The following CA4 variants were observed in gnomAD, a reference collection of about 807,000 sequenced individuals.
CA4 encodes CA-IV.
CA4 carries 24 observed loss-of-function variants against 34.5 expected under a neutral mutation model. That is an observed-to-expected ratio of 0.70 (90% CI 0.50 to 0.98). CA4 has a LOEUF of 0.98. Ranked by LOEUF, CA4 falls within the 50% of genes least tolerant of loss-of-function variation. CA4 has a pLI of 0.00. For synonymous variants in CA4, 178 were observed against 170.6 expected, an observed-to-expected ratio of 1.04 and a Z score of -0.34; for missense variants, 394 against 396.7, an observed-to-expected ratio of 0.99 and a Z score of 0.06.
In CA4 at chr17:60,156,637, G is replaced by T; in HGVS notation, c.190G>T (p.Asp64Tyr). ...CATCGTCACCACCAAGGCAAAGGTG[G>T]ACAAAAAACTGGGACGCTTCTTCTT... ...INIVTTKAKV[D>Y]KKLGRFFFSG... Residue 64 changes from aspartate to tyrosine, a missense_variant, in exon 3 of 8, where the codon GAC (aspartate) becomes TAC (tyrosine). Physicochemically the swap from Asp to Tyr is radical, Grantham distance 160. Coordinates refer to ENST00000300900, the MANE Select transcript of CA4 (RefSeq NM_000717.5). 6.2e-7 allele frequency: 1 copy of T among 1,614,146 alleles called. No homozygotes were observed. The highest frequency in any genetic ancestry group is 8.5e-7 in the Non-Finnish European group (1 of 1,179,980).
At position 60,157,418 on chromosome 17, in the gene CA4, T is replaced by A. The variant is rs1304471899; in HGVS notation, c.269-9T>A. 1 of 1,614,156 alleles carries A rather than the reference T, an allele frequency of 6.2e-7. No individual in the cohort carries two copies. The highest frequency in any genetic ancestry group is 1.7e-5 in the Admixed American group (1 of 60,022). Reference sequence around the variant, plus strand: ...TGGTTCGAGGACTCTGCCCCTTCTGTGCTCCCAGTGATGATGTTGCTGGAG... The same window carrying A: ...TGGTTCGAGGACTCTGCCCCTTCTGAGCTCCCAGTGATGATGTTGCTGGAG... On this transcript the variant is annotated splice_polypyrimidine_tract_variant and intron_variant, in intron 3 of 7. Coordinates refer to ENST00000300900, the MANE Select transcript of CA4 (RefSeq NM_000717.5).
chr17:60,178,355 C>A, the CA4 span, among the ~76,000 whole-genome samples: 2 of 152,222 alleles, frequency 1.3e-5, no homozygotes, highest in African/African-American at 4.8e-5. Flanking sequence ...ACTTACCTTC[C>A]CAGAAGCTCT....
At chr17:60,178,004 T>C in the CA4 span, among the ~76,000 whole-genome samples, 1 of 152,190 alleles carries the variant, frequency 6.6e-6, no homozygotes, top group Non-Finnish European at 1.5e-5. Context: ...ATTTATACTT[T>C]TGTTCCAGTC....
chr17:60,156,937 C>A lies in CA4; in HGVS notation c.268+222C>A. 4.9e-6 allele frequency: 3 copies of A among 611,580 alleles called. No individual in the cohort carries two copies. In the South Asian group the frequency reaches 5.6e-5, roughly 12 times the overall value. 37.9% of individuals were successfully genotyped at this position (611,580 alleles called of 1,614,324 possible). On this transcript the variant is annotated intron_variant, in intron 3 of 7. Coordinates refer to ENST00000300900, the MANE Select transcript of CA4 (RefSeq NM_000717.5). ...CTGGGATGTGGGGGCAGGAAACGTT[C>A]CAGGAAGAAGGACATGTGCAAAGGC...
intron 1 of CA4, among the ~76,000 whole-genome samples, chr17:60,151,972 A>G (rs1373375583): frequency 6.6e-6 from 1 of 151,784 alleles, no homozygotes; most frequent in African/African-American, 2.4e-5. Flanking sequence ...GCTGTTTTTC[A>G]GGATTATCCC....
At chr17:60,166,214 C>T (rs1246466514) in intron 5 of CA4, among the ~76,000 whole-genome samples, 2 of 152,188 alleles carry the variant, frequency 1.3e-5, no homozygotes, top group South Asian at 2.1e-4. Context: ...TAGATTTCCT[C>T]CTCGCTGACT....
downstream of CA4, among the ~76,000 whole-genome samples, chr17:60,161,791 CCTGT>C (rs1052258781): frequency 5.9e-5 from 9 of 152,150 alleles, no homozygotes; most frequent in African/African-American, 2.2e-4. Context: ...CCGCAGGCCG[CCTGT>C]CAGCGGGGGG....
intron 5 of CA4, among the ~76,000 whole-genome samples, chr17:60,169,262 AAGCAGCAGC>A (rs75260260): frequency 9.4e-5 from 14 of 149,660 alleles, no homozygotes; most frequent in East Asian, 5.8e-4. Context: ...AAAAAAAAAA[AAGCAGCAGC>A]AGCAGCAGCA....
At chr17:60,168,108 G>T (rs73320959) in intron 5 of CA4, among the ~76,000 whole-genome samples, 3,519 of 151,716 alleles carry the variant, frequency 0.023, 150 homozygotes, top group African/African-American at 0.08. Context: ...GGGACTCTGA[G>T]TTCAGTGTGG....
the CA4 span, among the ~76,000 whole-genome samples, chr17:60,177,041 C>T: frequency 6.6e-6 from 1 of 152,204 alleles, no homozygotes; most frequent in African/African-American, 2.4e-5. Context: ...TAACAGGCCA[C>T]AGATGGTACT....
At chr17:60,168,607 C>A (rs540725844) in intron 5 of CA4, among the ~76,000 whole-genome samples, 2 of 150,884 alleles carry the variant, frequency 1.3e-5, no homozygotes, top group Non-Finnish European at 2.9e-5. Context: ...TGTGGAAATA[C>A]GAACAGCTCT....
In CA4 at chr17:60,156,505, G is replaced by T. The variant is rs976927114; in HGVS notation, c.113-55G>T. On this transcript the variant is annotated intron_variant, in intron 2 of 7. Coordinates refer to ENST00000300900, the MANE Select transcript of CA4 (RefSeq NM_000717.5). The stretch of plus-strand genomic sequence containing the variant: ...GCCTGACTTCAGTGGGGTGGTGGGG[G>T]CTACACCTTGGTGCCAGGCACCCGA... The T allele has an allele frequency of 2.5e-6, 4 of 1,581,516 alleles. No homozygotes were observed. The African/African-American group carries it at 4.0e-5, about 16-fold the overall frequency.
chr17:60,153,862 G>A (rs1189854865), intron 1 of CA4, among the ~76,000 whole-genome samples: 7 of 152,196 alleles, frequency 4.6e-5, no homozygotes, highest in Non-Finnish European at 1.0e-4. Flanking sequence ...CCATCAGGGG[G>A]AGGACACTGC....
chr17:60,176,779 C>T, the CA4 span, among the ~76,000 whole-genome samples: 1 of 152,156 alleles, frequency 6.6e-6, no homozygotes, highest in Non-Finnish European at 1.5e-5. Context: ...ACAATTTTTC[C>T]ACGGACTGGG....
the CA4 span, among the ~76,000 whole-genome samples, chr17:60,178,018 AT>A: frequency 6.6e-6 from 1 of 152,188 alleles, no homozygotes; most frequent in Non-Finnish European, 1.5e-5. Context: ...TCCAGTCTTG[AT>A]TAGAGAAAAA....
At chr17:60,178,552 C>G in the CA4 span, among the ~76,000 whole-genome samples, 1 of 152,200 alleles carries the variant, frequency 6.6e-6, no homozygotes, top group Non-Finnish European at 1.5e-5. Flanking sequence ...TCTACTGGGT[C>G]TCCCACAAGG....
chr17:60,158,581 C>T (rs2083738995), intron 7 of CA4, 135 bp downstream of exon 7: 3 of 848,924 alleles, frequency 3.5e-6, no homozygotes, highest in African/African-American at 1.7e-5. Flanking sequence ...TAATCATCGA[C>T]ATTCACTGAA....
At position 60,155,305 on chromosome 17, in the gene CA4, C is replaced by T. The variant is rs2083657756; in HGVS notation, c.59-9C>T. The T allele has an allele frequency of 1.9e-6, 3 of 1,611,118 alleles. No individual in the cohort carries two copies. In the Admixed American group the frequency reaches 5.0e-5, roughly 27 times the overall value. On this transcript the variant is annotated splice_polypyrimidine_tract_variant and intron_variant, in intron 1 of 7. Transcript: ENST00000300900. ...CACGCACACTTCACACCCTTCCTCT[C>T]TGCTCCAGAGTCACACTGGTGCTAC... is the stretch of plus-strand genomic sequence containing the variant.
At chr17:60,156,006 C>A (rs1012653349) in intron 2 of CA4, among the ~76,000 whole-genome samples, 2 of 152,124 alleles carry the variant, frequency 1.3e-5, no homozygotes, top group African/African-American at 2.4e-5. Context: ...CTGACCCTGG[C>A]CCACCTGGTG....
Sources: allele counts gnomAD v4.1 joint callset (sites outside exome capture counted in the v4.1 genomes callset), GRCh38; gene constraint gnomAD v4.1.1; transcripts MANE v1.5; gene names NCBI Gene and HGNC (gene_info 2026-07-23, HGNC 2026-07-21).